B4GALT1: variants seen among roughly 807,000 people sequenced by gnomAD.
The protein encoded by B4GALT1 is beta-1,4-galactosyltransferase 1, also known as N-acetyllactosamine synthase.
A neutral mutation model predicts 34.9 loss-of-function variants in B4GALT1; 16 were observed. That is an observed-to-expected ratio of 0.46 (90% confidence interval 0.31 to 0.70). The LOEUF (loss-of-function observed/expected upper bound fraction) is 0.70, where lower values mean the gene tolerates loss of function less well. B4GALT1 is among the 30% of genes least tolerant of loss of function. The probability of loss-of-function intolerance (pLI) is 0.05; values close to 1 mark genes in which losing one functional copy is unlikely to be tolerated. For synonymous variants in B4GALT1, 221 were observed against 218.1 expected, an observed-to-expected ratio of 1.01 and a Z score of -0.12; for missense variants, 445 against 530.5, an observed-to-expected ratio of 0.84 and a Z score of 1.58.
At chr9:33,132,877 C>T (rs1283850918) in intron 2 of B4GALT1, among the ~76,000 whole-genome samples, 1 of 152,006 alleles carries the variant, frequency 6.6e-6, no homozygotes, top group Non-Finnish European at 1.5e-5. Flanking sequence ...TCCTCTTTAC[C>T]CAAGTATATA....
At chr9:33,115,403 T>A (rs1186499289) in intron 4 of B4GALT1, among the ~76,000 whole-genome samples, 1 of 152,238 alleles carries the variant, frequency 6.6e-6, no homozygotes, top group Non-Finnish European at 1.5e-5. Context: ...TTTCAAATGC[T>A]ACTGATAGAT....
intron 1 of B4GALT1, among the ~76,000 whole-genome samples, chr9:33,152,511 T>C (rs757345158): frequency 1.8e-5 from 2 of 114,038 alleles, no homozygotes; most frequent in Non-Finnish European, 3.7e-5. Context: ...AATAGAAAAA[T>C]GGGTTAAAAG....
chr9:33,165,454 A>C (rs922744692), intron 1 of B4GALT1, among the ~76,000 whole-genome samples: 5 of 152,332 alleles, frequency 3.3e-5, no homozygotes, highest in Non-Finnish European at 7.4e-5. Context: ...TTCCCAGAAT[A>C]ATCATCAAAT....
chr9:33,118,436 G>A (rs1027432453), intron 3 of B4GALT1, among the ~76,000 whole-genome samples: 1 of 152,086 alleles, frequency 6.6e-6, no homozygotes, highest in African/African-American at 2.4e-5. Context: ...AAAGCAGGAG[G>A]ATTGCTTGAG....
At chr9:33,137,553 C>T (rs1227872664) in intron 1 of B4GALT1, among the ~76,000 whole-genome samples, 2 of 152,208 alleles carry the variant, frequency 1.3e-5, no homozygotes, top group African/African-American at 4.8e-5. Flanking sequence ...AAGACCAGGA[C>T]TCAGTCAGTG....
At chr9:33,124,935 C>T (rs549689192) in intron 2 of B4GALT1, among the ~76,000 whole-genome samples, 4 of 152,260 alleles carry the variant, frequency 2.6e-5, no homozygotes, top group South Asian at 2.1e-4. Context: ...TAGGAAGTCA[C>T]GCTTGGTGAA....
chr9:33,127,862 T>G (rs1321309400), intron 2 of B4GALT1, among the ~76,000 whole-genome samples: 2 of 152,258 alleles, frequency 1.3e-5, no homozygotes, highest in South Asian at 2.1e-4. Context: ...AGACCCTGTA[T>G]GACGGGCTGG....
At chr9:33,161,099 G>T (rs1016787754) in intron 1 of B4GALT1, among the ~76,000 whole-genome samples, 1 of 152,058 alleles carries the variant, frequency 6.6e-6, no homozygotes, top group South Asian at 2.1e-4. Context: ...GGAGTGGATA[G>T]AGAAGCAGCT....
chr9:33,157,771 T>C (rs1180581531), intron 1 of B4GALT1, among the ~76,000 whole-genome samples: 1 of 152,078 alleles, frequency 6.6e-6, no homozygotes, highest in African/African-American at 2.4e-5. Flanking sequence ...AAATAAGCAT[T>C]ATACTACCAA....
intron 1 of B4GALT1, among the ~76,000 whole-genome samples, chr9:33,138,595 T>C (rs550744155): frequency 2.0e-5 from 3 of 152,302 alleles, no homozygotes; most frequent in African/African-American, 7.2e-5. Context: ...CTCAAATTCC[T>C]AGGCTTTCTC....
chr9:33,174,686 T>C, the B4GALT1 span, among the ~76,000 whole-genome samples: 1 of 149,990 alleles, frequency 6.7e-6, no homozygotes, highest in Admixed American at 6.7e-5. Context: ...CCAGAAGCAG[T>C]GGCTCATGCC....
rs1349433216 is a variant in B4GALT1, at chr9:33,167,155, C to T, written c.15G>A (p.Glu5=). The T allele has an allele frequency of 3.8e-6, 6 of 1,598,856 alleles. No individual in the cohort carries two copies. The highest frequency in any genetic ancestry group is 4.3e-6 in the Non-Finnish European group (5 of 1,174,850). The part of the protein sequence containing the change: MRLR[E]PLLSGSAAMP... ...TCGCGGCGCTGCCGCTCAGGAGCGG[C>T]TCCCGAAGCCTCATCTTCCCGCCGC... is the stretch of plus-strand genomic sequence containing the variant. Residue 5 remains glutamate, a synonymous_variant, in exon 1 of 6, where the codon GAG becomes GAA. Transcript: ENST00000379731.
chr9:33,181,877 T>C, the B4GALT1 span, among the ~76,000 whole-genome samples: 4 of 152,106 alleles, frequency 2.6e-5, no homozygotes. Flanking sequence ...CAACAGAAAT[T>C]GATTCTCTTA....
the B4GALT1 span, among the ~76,000 whole-genome samples, chr9:33,173,141 C>T: frequency 2.0e-5 from 3 of 152,160 alleles, no homozygotes; most frequent in Non-Finnish European, 4.4e-5. Flanking sequence ...TGGTGGCTCA[C>T]GCCTGTAAAC....
intron 1 of B4GALT1, among the ~76,000 whole-genome samples, chr9:33,156,534 A>G (rs533646389): frequency 6.6e-6 from 1 of 152,374 alleles, no homozygotes; most frequent in South Asian, 2.1e-4. Context: ...TCTACAAAAG[A>G]TGCAGGCACA....
At chr9:33,169,942 T>C (rs1840824463), upstream of B4GALT1, among the ~76,000 whole-genome samples, 1 of 151,962 alleles carries the variant, frequency 6.6e-6, no homozygotes, top group South Asian at 2.1e-4. Context: ...TTCTCTCTTG[T>C]TCACTACTGT....
intron 1 of B4GALT1, among the ~76,000 whole-genome samples, chr9:33,157,121 T>C (rs1285325473): frequency 5.3e-5 from 6 of 113,250 alleles, no homozygotes; most frequent in South Asian, 3.2e-4. Context: ...CATAGGGAAC[T>C]ACACACACAC....
At chr9:33,117,309 T>C (rs1839955031) in intron 3 of B4GALT1, among the ~76,000 whole-genome samples, 1 of 152,240 alleles carries the variant, frequency 6.6e-6, no homozygotes, top group South Asian at 2.1e-4. Flanking sequence ...GCAAAATGTA[T>C]AATGATGAAC....
downstream of B4GALT1, among the ~76,000 whole-genome samples, chr9:33,110,285 T>A (rs941868868): frequency 3.3e-5 from 5 of 150,918 alleles, no homozygotes; most frequent in Non-Finnish European, 7.4e-5. Context: ...CTGGTGCAAA[T>A]GGCCCTGAGA....
Sources: gnomAD v4.1 joint callset for allele counts (sites outside exome capture counted in the v4.1 genomes callset) on GRCh38, gnomAD v4.1.1 for gene constraint, MANE v1.5 for transcripts, NCBI Gene and HGNC (gene_info 2026-07-23, HGNC 2026-07-21) for gene names.